UBE2Q2: variants seen among roughly 807,000 people sequenced by gnomAD.
The protein encoded by UBE2Q2 is ubiquitin conjugating enzyme E2 Q2.
In UBE2Q2, 54 loss-of-function variants were observed where a neutral mutation model predicts 59.9. That is an observed-to-expected ratio of 0.90 (90% CI 0.72 to 1.13). The LOEUF (loss-of-function observed/expected upper bound fraction) is 1.13, where lower values mean the gene tolerates loss of function less well. Among genes scored for constraint, UBE2Q2 ranks in the 50% most tolerant of loss-of-function variants. The pLI, the probability that UBE2Q2 is intolerant of heterozygous loss-of-function variation, is 0.00. For synonymous variants in UBE2Q2, 165 were observed against 155.2 expected, an observed-to-expected ratio of 1.06 and a Z score of -0.47; for missense variants, 433 against 441.9, an observed-to-expected ratio of 0.98 and a Z score of 0.18.
chr15:75,850,296 T>C (rs1286666790), intron 1 of UBE2Q2, among the ~76,000 whole-genome samples: 2 of 152,250 alleles, frequency 1.3e-5, no homozygotes, highest in East Asian at 1.9e-4. Flanking sequence ...TTTCCAGTTA[T>C]CTGCTCATCT....
In UBE2Q2 at chr15:75,899,585, G is replaced by T. The variant is rs1899644813; in HGVS notation, c.*127G>T. 2.8e-6 allele frequency: 2 copies of T among 703,618 alleles called. No homozygotes were observed. The highest frequency in any genetic ancestry group is 4.5e-6 in the Non-Finnish European group (2 of 442,200). 43.6% of individuals were successfully genotyped at this position (703,618 alleles called of 1,614,324 possible). ...ATGTTAGTTAATAGATATTTTAGTG[G>T]ATAATCTGTCATCTGACATCCAGTA... On this transcript the variant is annotated 3_prime_UTR_variant, in exon 13 of 13. Transcript: ENST00000267938.
intron 8 of UBE2Q2, among the ~76,000 whole-genome samples, chr15:75,881,951 C>G (rs781670591): frequency 6.6e-6 from 1 of 152,118 alleles, no homozygotes; most frequent in South Asian, 2.1e-4. Flanking sequence ...GATTGTATTC[C>G]GTGTCCTAGG....
At chr15:75,896,914 C>A in intron 11 of UBE2Q2, 81 bp from the exon 12 acceptor site, 1 of 814,140 alleles carries the variant, frequency 1.2e-6, no homozygotes, top group Non-Finnish European at 2.0e-6. Flanking sequence ...CTTTTAAGCA[C>A]AGTGTGATGC....
intron 3 of UBE2Q2, among the ~76,000 whole-genome samples, chr15:75,861,441 G>A (rs113710383): frequency 0.012 from 1,797 of 152,252 alleles, 30 homozygotes; most frequent in African/African-American, 0.041. Context: ...AGTATACTTA[G>A]TGTGGGTCTT....
intron 1 of UBE2Q2, among the ~76,000 whole-genome samples, chr15:75,845,714 G>A (rs376758645): frequency 3.3e-5 from 5 of 152,296 alleles, no homozygotes; most frequent in South Asian, 2.1e-4. Flanking sequence ...AGGAGTACAG[G>A]GATACCAAAT....
At chr15:75,844,016 G>A in intron 1 of UBE2Q2, 170 bp downstream of exon 1, 1 of 1,409,494 alleles carries the variant, frequency 7.1e-7, no homozygotes. Context: ...GGGACTGCGC[G>A]AGGCTTGGGT....
chr15:75,852,453 C>A (rs1238189100), intron 1 of UBE2Q2, among the ~76,000 whole-genome samples: 1 of 152,188 alleles, frequency 6.6e-6, no homozygotes, highest in Non-Finnish European at 1.5e-5. Flanking sequence ...TGTATCATAT[C>A]TTTTCATCTA....
chr15:75,896,917 T>C, intron 11 of UBE2Q2, 78 bp from the exon 12 acceptor site: 1 of 850,486 alleles, frequency 1.2e-6, no homozygotes, highest in East Asian at 2.9e-5. Context: ...TTAAGCACAG[T>C]GTGATGCATT....
At chr15:75,877,155 C>CTG (rs1182747868) in intron 6 of UBE2Q2, among the ~76,000 whole-genome samples, 1 of 37,310 alleles carries the variant, frequency 2.7e-5, no homozygotes, top group African/African-American at 1.1e-4. Context: ...GAGTGAGACT[C>CTG]TGTCAAAAAA....
chr15:75,844,429 G>A, intron 1 of UBE2Q2: 1 of 1,551,618 alleles, frequency 6.4e-7, no homozygotes, highest in Non-Finnish European at 8.7e-7. Flanking sequence ...CTCTCCCCCG[G>A]GCCTGGCTGC....
intron 1 of UBE2Q2, among the ~76,000 whole-genome samples, chr15:75,853,439 C>CA (rs34660479): frequency 0.099 from 14,915 of 151,184 alleles, 1,861 homozygotes; most frequent in African/African-American, 0.3. Flanking sequence ...CCATGCACTC[C>CA]GCCTGGGCCA....
chr15:75,886,963 T>A (rs1898812409), intron 9 of UBE2Q2, among the ~76,000 whole-genome samples: 1 of 152,148 alleles, frequency 6.6e-6, no homozygotes, highest in Non-Finnish European at 1.5e-5. Context: ...AGAATTTAAG[T>A]TCATGACCTT....
intron 3 of UBE2Q2, 125 bp downstream of exon 3, chr15:75,860,107 G>A (rs1157941349): frequency 8.2e-6 from 6 of 728,286 alleles, no homozygotes; most frequent in Non-Finnish European, 1.1e-5. Context: ...TGTTCCTATT[G>A]AATTGTTTTG....
At chr15:75,844,473 G>A (rs1422096678) in intron 1 of UBE2Q2, 1 of 1,551,514 alleles carries the variant, frequency 6.4e-7, no homozygotes, top group Non-Finnish European at 8.7e-7. Context: ...GCATAGTACC[G>A]TCGTTGCGGC....
chr15:75,858,275 C>G (rs1041658356), intron 2 of UBE2Q2, among the ~76,000 whole-genome samples: 1 of 152,188 alleles, frequency 6.6e-6, no homozygotes, highest in Admixed American at 6.5e-5. Flanking sequence ...GTTAGGGAAT[C>G]TCACTTACAG....
intron 3 of UBE2Q2, among the ~76,000 whole-genome samples, chr15:75,866,457 G>T (rs1426958830): frequency 6.6e-6 from 1 of 152,304 alleles, no homozygotes; most frequent in East Asian, 1.9e-4. Context: ...ACAGGCATGA[G>T]CCACCGTGTC....
chr15:75,843,845 C>T lies in UBE2Q2; in HGVS notation c.179C>T (p.Thr60Met), dbSNP rs1456776081. ...PPPLTLHCNI[T>M]ESYPSSSPIW... is the part of the protein sequence containing the mutation. ...CCACTCACGCTCCACTGCAACATCA[C>T]GGTGAGGCGCCCGGCCGCGGCCCCG... Residue 60 changes from threonine to methionine, a missense_variant and splice_region_variant, in exon 1 of 13, where the codon ACG (threonine) becomes ATG (methionine). Physicochemically the swap from Thr to Met is moderately conservative, Grantham distance 81. Coordinates refer to ENST00000267938, the MANE Select transcript of UBE2Q2 (RefSeq NM_173469.4). The T allele has an allele frequency of 6.4e-7, 1 of 1,574,240 alleles. No homozygotes were observed. Among genetic ancestry groups the T allele is most frequent in the East Asian group, 2.4e-5 (1 of 41,866 alleles).
At chr15:75,853,504 ATATG>A (rs540862057) in intron 1 of UBE2Q2, among the ~76,000 whole-genome samples, 5 of 151,420 alleles carry the variant, frequency 3.3e-5, no homozygotes, top group African/African-American at 4.9e-5. Context: ...ATATATATAT[ATATG>A]TATGTATGTA....
chr15:75,873,129 C>G (rs1016267260), intron 4 of UBE2Q2, among the ~76,000 whole-genome samples: 1 of 152,186 alleles, frequency 6.6e-6, no homozygotes, highest in Non-Finnish European at 1.5e-5. Flanking sequence ...TGCTGCTAAA[C>G]TGTTTTAAAG....
Sources: allele counts gnomAD v4.1 joint callset (sites outside exome capture counted in the v4.1 genomes callset), GRCh38; gene constraint gnomAD v4.1.1; transcripts MANE v1.5; gene names NCBI Gene and HGNC (gene_info 2026-07-23, HGNC 2026-07-21).